The following UNC5D variants were observed in gnomAD, a reference collection of about 807,000 sequenced individuals.
UNC5D encodes the protein netrin receptor UNC5D.
Under a neutral mutation model 105.4 loss-of-function variants are expected in UNC5D, and 39 were observed. That is an observed-to-expected ratio of 0.37 (90% confidence interval 0.29 to 0.48). The LOEUF (loss-of-function observed/expected upper bound fraction) is 0.48, where lower values mean the gene tolerates loss of function less well. Ranked by LOEUF, UNC5D falls within the 20% of genes least tolerant of loss-of-function variation. The pLI is 0.98. For missense variants in UNC5D, 991 were observed against 1,202.4 expected, an observed-to-expected ratio of 0.82 and a Z score of 2.60; for synonymous variants, 452 against 450.4, an observed-to-expected ratio of 1.00 and a Z score of -0.04.
At chr8:35,268,066 T>A (rs1446405870) in intron 1 of UNC5D, among the ~76,000 whole-genome samples, 1 of 152,172 alleles carries the variant, frequency 6.6e-6, no homozygotes, top group African/African-American at 2.4e-5. Context: ...TAATTTATGA[T>A]TTTTTTGTTC....
chr8:35,552,968 G>A (rs966002066), intron 2 of UNC5D, among the ~76,000 whole-genome samples: 1 of 152,142 alleles, frequency 6.6e-6, no homozygotes, highest in Non-Finnish European at 1.5e-5. Context: ...AACTAAAAAG[G>A]ACTCAAATAC....
At chr8:35,541,583 GCA>G (rs1021569860) in intron 1 of UNC5D, among the ~76,000 whole-genome samples, 1 of 152,146 alleles carries the variant, frequency 6.6e-6, no homozygotes, top group African/African-American at 2.4e-5. Flanking sequence ...CAGTTGGTCA[GCA>G]CATTTATCCA....
At chr8:35,642,827 A>C (rs1244757774) in intron 4 of UNC5D, among the ~76,000 whole-genome samples, 1 of 152,194 alleles carries the variant, frequency 6.6e-6, no homozygotes, top group African/African-American at 2.4e-5. Context: ...CTAAGCACAC[A>C]GTAAGATGCA....
At position 35,749,989 on chromosome 8, in the gene UNC5D, T is replaced by TAAAAAAAAAAAAAAAAAAAA. The variant is rs11380512; in HGVS notation, c.1936-581_1936-580insAAAAAAAAAAAAAAAAAAAA. Among the ~76,000 whole-genome samples, 83 of 136,908 alleles carry TAAAAAAAAAAAAAAAAAAAA rather than the reference T, an allele frequency of 6.1e-4. 4 individuals carry two copies. Among genetic ancestry groups the TAAAAAAAAAAAAAAAAAAAA allele is most frequent in the Middle Eastern group, 3.6e-3 (1 of 278 alleles). 89.8% of individuals were successfully genotyped at this position (136,908 alleles called of 152,430 possible). ...TTTAAAGAGTTGTCAGAAATAGTTG[T>TAAAAAAAAAAAAAAAAAAAA]AAAAAAAAAAAAGTTTGCTTATTGA... On this transcript the variant is annotated intron_variant, in intron 12 of 16. Transcript: ENST00000404895.
In UNC5D at chr8:35,247,606, ATATATAT is replaced by A. The variant is rs1585404577; in HGVS notation, c.103+11727_103+11733del. On this transcript the variant is annotated intron_variant, in intron 1 of 16. Transcript: ENST00000404895. ...TATATAAAATATATATAATATATAA[ATATATAT>A]TATATATAAAATATATATAATATAT... Among the ~76,000 whole-genome samples the A allele has an allele frequency of 1.2e-4, 11 of 94,444 alleles. No individual in the cohort carries two copies. In the South Asian group the frequency reaches 1.4e-3, roughly 12 times the overall value. 62.0% of individuals were successfully genotyped at this position (94,444 alleles called of 152,430 possible).
intron 4 of UNC5D, among the ~76,000 whole-genome samples, chr8:35,644,696 C>T (rs572936894): frequency 6.6e-6 from 1 of 152,236 alleles, no homozygotes; most frequent in South Asian, 2.1e-4. Context: ...ATATAGAACA[C>T]CTTGGATTAT....
chr8:35,377,038 G>T (rs1014979393), intron 1 of UNC5D, among the ~76,000 whole-genome samples: 13 of 152,126 alleles, frequency 8.5e-5, no homozygotes, highest in African/African-American at 2.9e-4. Context: ...ATTTACGTAT[G>T]TGTTGTCATC....
rs887045537 is a variant in UNC5D, at chr8:35,497,038, A to G, written c.104-52254A>G. The stretch of plus-strand genomic sequence containing the variant: ...TACATATTTATTTAATATACCTTTT[A>G]TATGACCCAGAAGCCCTCATAGGGA... On this transcript the variant is annotated intron_variant, in intron 1 of 16. Coordinates refer to ENST00000404895, the MANE Select transcript of UNC5D (RefSeq NM_080872.4). Among the ~76,000 whole-genome samples the G allele has an allele frequency of 2.0e-5, 3 of 152,220 alleles. No homozygotes were observed. The South Asian group carries it at 6.2e-4, about 32-fold the overall frequency.
At chr8:35,693,982 T>G (rs1826585027) in intron 7 of UNC5D, among the ~76,000 whole-genome samples, 2 of 152,240 alleles carry the variant, frequency 1.3e-5, no homozygotes, top group South Asian at 4.1e-4. Flanking sequence ...AAGGTCATAT[T>G]ACTTAGAGAG....
chr8:35,615,745 A>G (rs1243656859), intron 4 of UNC5D, among the ~76,000 whole-genome samples: 2 of 152,178 alleles, frequency 1.3e-5, no homozygotes, highest in African/African-American at 4.8e-5. Flanking sequence ...GGAAATGCAC[A>G]GTATACTTTT....
At chr8:35,371,227 G>T (rs1802412182) in intron 1 of UNC5D, among the ~76,000 whole-genome samples, 1 of 151,906 alleles carries the variant, frequency 6.6e-6, no homozygotes. Flanking sequence ...TAGCAAAGAT[G>T]GAGAACACAG....
chr8:35,331,280 G>C (rs1042012767), intron 1 of UNC5D, among the ~76,000 whole-genome samples: 1 of 152,144 alleles, frequency 6.6e-6, no homozygotes, highest in African/African-American at 2.4e-5. Context: ...AAACACATGA[G>C]TTCATGAGTA....
At chr8:35,505,563 T>C (rs1284790694) in intron 1 of UNC5D, among the ~76,000 whole-genome samples, 1 of 151,934 alleles carries the variant, frequency 6.6e-6, no homozygotes, top group Non-Finnish European at 1.5e-5. Context: ...GTGGCAAGGG[T>C]TTATGTAAAT....
At chr8:35,638,940 G>A (rs1483074177) in intron 4 of UNC5D, among the ~76,000 whole-genome samples, 2 of 152,152 alleles carry the variant, frequency 1.3e-5, no homozygotes, top group Non-Finnish European at 2.9e-5. Context: ...AGCCAAATAA[G>A]TTATACCTAC....
intron 1 of UNC5D, among the ~76,000 whole-genome samples, chr8:35,524,930 G>C (rs1342587005): frequency 1.4e-5 from 2 of 144,186 alleles, no homozygotes; most frequent in African/African-American, 2.6e-5. Context: ...TTCCAGAAGA[G>C]GGCTGTGAAA....
chr8:35,330,821 T>G (rs1358370905), intron 1 of UNC5D, among the ~76,000 whole-genome samples: 1 of 152,028 alleles, frequency 6.6e-6, no homozygotes, highest in Non-Finnish European at 1.5e-5. Context: ...GGCTTTCGAG[T>G]GTATTCTTTC....
At chr8:35,308,116 A>ATGTG (rs34132311) in intron 1 of UNC5D, among the ~76,000 whole-genome samples, 26 of 105,650 alleles carry the variant, frequency 2.5e-4, no homozygotes, top group African/African-American at 1.3e-3. Context: ...GTCACAATGT[A>ATGTG]TGTGTGTGTG....
intron 1 of UNC5D, among the ~76,000 whole-genome samples, chr8:35,329,760 C>A (rs538978762): frequency 3.9e-5 from 6 of 152,294 alleles, no homozygotes; most frequent in Non-Finnish European, 7.4e-5. Flanking sequence ...GGCTTCACCC[C>A]CTTCCTTGCC....
intron 4 of UNC5D, among the ~76,000 whole-genome samples, chr8:35,646,998 C>T (rs539176462): frequency 6.6e-6 from 1 of 152,196 alleles, no homozygotes; most frequent in African/African-American, 2.4e-5. Flanking sequence ...ATTGTATTTC[C>T]TCAAACATAG....
Sources: allele counts gnomAD v4.1 joint callset (sites outside exome capture counted in the v4.1 genomes callset), GRCh38; gene constraint gnomAD v4.1.1; transcripts MANE v1.5; gene names NCBI Gene and HGNC (gene_info 2026-07-23, HGNC 2026-07-21).